USP10: variants seen among roughly 807,000 people sequenced by gnomAD.
USP10 encodes the protein ubiquitin carboxyl-terminal hydrolase 10.
A neutral mutation model predicts 84.5 loss-of-function variants in USP10; 22 were observed. That is an observed-to-expected ratio of 0.26 (90% CI 0.19 to 0.37). The LOEUF is 0.37. USP10 is among the 10% of genes least tolerant of loss of function. The probability of loss-of-function intolerance (pLI) is 1.00; values close to 1 mark genes in which losing one functional copy is unlikely to be tolerated. For missense variants in USP10, 1,019 were observed against 998.9 expected, an observed-to-expected ratio of 1.02 and a Z score of -0.27; for synonymous variants, 454 against 387.6, an observed-to-expected ratio of 1.17 and a Z score of -2.01.
intron 2 of USP10, among the ~76,000 whole-genome samples, 152 bp from the exon 3 acceptor site, chr16:84,740,157 A>G (rs1375947458): frequency 6.6e-6 from 1 of 152,230 alleles, no homozygotes; most frequent in African/African-American, 2.4e-5. Flanking sequence ...TTTAGATTGC[A>G]CTGACTCTTC....
At chr16:84,720,143 C>G (rs892117017) in intron 1 of USP10, among the ~76,000 whole-genome samples, 3 of 152,176 alleles carry the variant, frequency 2.0e-5, no homozygotes, top group Non-Finnish European at 2.9e-5. Flanking sequence ...TTTGAAGAGT[C>G]TGCTGACAGT....
intron 1 of USP10, among the ~76,000 whole-genome samples, chr16:84,727,173 C>G (rs74812254): frequency 0.013 from 1,918 of 152,326 alleles, 31 homozygotes; most frequent in African/African-American, 0.044. Flanking sequence ...TTTTTAGTCT[C>G]CCGTGTGAAC....
At chr16:84,754,888 C>A (rs1474860013) in intron 4 of USP10, among the ~76,000 whole-genome samples, 3 of 152,034 alleles carry the variant, frequency 2.0e-5, no homozygotes, top group Non-Finnish European at 2.9e-5. Flanking sequence ...CACCTGTAAT[C>A]CCAGCACTTT....
intron 4 of USP10, among the ~76,000 whole-genome samples, chr16:84,750,415 A>AAC (rs1354720228): frequency 3.3e-5 from 5 of 151,968 alleles, no homozygotes; most frequent in South Asian, 2.1e-4. Context: ...AAAAAAAAAA[A>AAC]AAAAAACCCA....
chr16:84,725,711 C>T (rs191028893), intron 1 of USP10, among the ~76,000 whole-genome samples: 80 of 152,192 alleles, frequency 5.3e-4, no homozygotes, highest in African/African-American at 1.6e-3. Flanking sequence ...GCCTGTCTGA[C>T]GACATTTTCA....
chr16:84,717,220 A>G (rs1907148263), intron 1 of USP10, among the ~76,000 whole-genome samples: 2 of 151,932 alleles, frequency 1.3e-5, no homozygotes, highest in Admixed American at 1.3e-4. Context: ...TTCTGAAATC[A>G]TACGCAGAAA....
chr16:84,704,852 A>G (rs1390925230), intron 1 of USP10: 2 of 1,535,734 alleles, frequency 1.3e-6, no homozygotes, highest in Non-Finnish European at 1.7e-6. Context: ...CTCTCCTGGA[A>G]TAGGGCAGGT....
chr16:84,720,979 C>T (rs1010510058), intron 1 of USP10, among the ~76,000 whole-genome samples: 7 of 151,110 alleles, frequency 4.6e-5, no homozygotes, highest in East Asian at 1.9e-4. Context: ...CGGCAACCTC[C>T]GCCTGCCGTA....
chr16:84,711,014 C>G (rs1022615385), intron 1 of USP10, among the ~76,000 whole-genome samples: 1 of 152,202 alleles, frequency 6.6e-6, no homozygotes, highest in African/African-American at 2.4e-5. Flanking sequence ...GCCCCTCCCT[C>G]TGAGTGTGAT....
chr16:84,770,771 C>CA lies in USP10; in HGVS notation c.1999-1770_1999-1769insA, dbSNP rs1567650765. On this transcript the variant is annotated intron_variant, in intron 11 of 13. Transcript: ENST00000219473. ...TGGGCGACAGAGCGAGACTCCGTCC[C>CA]CAAAAAAAAAAAAAAAAAATCTCCA... Among the ~76,000 whole-genome samples the CA allele has an allele frequency of 7.5e-5, 10 of 133,098 alleles. 1 individual carries two copies. The highest frequency in any genetic ancestry group is 1.4e-4 in the African/African-American group (5 of 35,002). The allele number at this position is 133,098 out of a possible 152,430, so 87.3% of individuals were successfully genotyped here. A position where few individuals can be genotyped will look rare whatever the true frequency, so the allele number is the denominator to read the frequency against.
chr16:84,720,734 A>G (rs1043611343), intron 1 of USP10, among the ~76,000 whole-genome samples: 3 of 151,216 alleles, frequency 2.0e-5, no homozygotes, highest in Admixed American at 6.6e-5. Context: ...GGTGCCCGCC[A>G]CCACACCCAG....
intron 1 of USP10, among the ~76,000 whole-genome samples, chr16:84,717,253 G>A (rs543783547): frequency 3.3e-5 from 5 of 152,130 alleles, no homozygotes; most frequent in South Asian, 2.1e-4. Context: ...CATTCTTTAG[G>A]GGGTGGGCCT....
chr16:84,757,069 A>G lies in USP10; in HGVS notation c.1193-1647A>G, dbSNP rs79004051. 7.8e-3 allele frequency among the ~76,000 whole-genome samples: 1,190 copies of G among 152,310 alleles called. 11 individuals carry two copies. The highest frequency in any genetic ancestry group is 0.027 in the African/African-American group (1,128 of 41,566). On this transcript the variant is annotated intron_variant, in intron 4 of 13. Coordinates refer to ENST00000219473, the MANE Select transcript of USP10 (RefSeq NM_005153.3). ...AATGGGGTTGGTAACTATCTCTGACAGTAGGGTTATGATAATTATGAATAA... is the reference window on the plus strand; with the variant it reads ...AATGGGGTTGGTAACTATCTCTGACGGTAGGGTTATGATAATTATGAATAA...
intron 3 of USP10, among the ~76,000 whole-genome samples, chr16:84,741,178 G>A (rs1477247740): frequency 1.3e-5 from 2 of 152,336 alleles, no homozygotes; most frequent in East Asian, 3.9e-4. Context: ...TTCAATAGAA[G>A]CCTTGAAAAG....
At chr16:84,728,797 T>C (rs1908846717) in intron 1 of USP10, among the ~76,000 whole-genome samples, 1 of 149,196 alleles carries the variant, frequency 6.7e-6, no homozygotes, top group African/African-American at 2.4e-5. Context: ...AAGCAGCACC[T>C]CTTCTTTTTT....
At chr16:84,753,790 T>G (rs1423505318) in intron 4 of USP10, among the ~76,000 whole-genome samples, 2 of 152,242 alleles carry the variant, frequency 1.3e-5, no homozygotes, top group African/African-American at 4.8e-5. Context: ...GATGTTTAAT[T>G]GATCCTGTAT....
chr16:84,754,897 T>G (rs977484297), intron 4 of USP10, among the ~76,000 whole-genome samples: 20 of 152,108 alleles, frequency 1.3e-4, no homozygotes, highest in African/African-American at 4.6e-4. Context: ...TCCCAGCACT[T>G]TGGGAATCCA....
intron 4 of USP10, among the ~76,000 whole-genome samples, chr16:84,749,342 C>G (rs974936918): frequency 6.6e-6 from 1 of 152,132 alleles, no homozygotes; most frequent in Non-Finnish European, 1.5e-5. Flanking sequence ...ATTAAAAGAT[C>G]TGTTGATGTG....
intron 1 of USP10, among the ~76,000 whole-genome samples, chr16:84,712,192 A>G (rs1451171224): frequency 2.0e-5 from 3 of 152,172 alleles, no homozygotes; most frequent in Non-Finnish European, 4.4e-5. Flanking sequence ...GAGGGCCCTT[A>G]TACTTTGATT....
Sources: allele counts gnomAD v4.1 joint callset (sites outside exome capture counted in the v4.1 genomes callset), GRCh38; gene constraint gnomAD v4.1.1; transcripts MANE v1.5; gene names NCBI Gene and HGNC (gene_info 2026-07-23, HGNC 2026-07-21).